SLC9B2: variants seen among roughly 807,000 people sequenced by gnomAD.
SLC9B2 encodes solute carrier family 9 member B2, also known as sodium/hydrogen exchanger 9B2.
SLC9B2 carries 39 observed loss-of-function variants against 52.2 expected under a neutral mutation model. That is an observed-to-expected ratio of 0.75 (90% CI 0.58 to 0.98). The LOEUF (loss-of-function observed/expected upper bound fraction) is 0.98, where lower values mean the gene tolerates loss of function less well. Ranked by LOEUF, SLC9B2 falls within the 50% of genes least tolerant of loss-of-function variation. The pLI is 0.00. For missense variants in SLC9B2, 626 were observed against 637.5 expected (o/e 0.98, Z 0.19); for synonymous variants, 214 against 227.0 (o/e 0.94, Z 0.51).
At chr4:103,039,638 AATGGTATAT>A (rs1222090312) in intron 9 of SLC9B2, among the ~76,000 whole-genome samples, 1 of 145,258 alleles carries the variant, frequency 6.9e-6, no homozygotes, top group Non-Finnish European at 1.5e-5. Context: ...TATATATTCA[AATGGTATAT>A]TCTTTTTTTT....
chr4:103,044,455 C>T (rs1456505536), intron 8 of SLC9B2, among the ~76,000 whole-genome samples: 1 of 152,040 alleles, frequency 6.6e-6, no homozygotes, highest in Admixed American at 6.6e-5. Context: ...GCTGTGTTGC[C>T]CAGACTGGAC....
At chr4:103,061,490 C>CACA (rs1207341955) in intron 3 of SLC9B2, among the ~76,000 whole-genome samples, 1 of 151,984 alleles carries the variant, frequency 6.6e-6, no homozygotes. Flanking sequence ...AGGGGAATAT[C>CACA]ACACACCGGG....
intron 9 of SLC9B2, among the ~76,000 whole-genome samples, chr4:103,037,964 G>A (rs1404446406): frequency 6.6e-6 from 1 of 151,568 alleles, no homozygotes; most frequent in African/African-American, 2.4e-5. Flanking sequence ...GGGTTCAAGT[G>A]AGTCTCCTGC....
At chr4:103,063,032 C>T (rs1331719756) in intron 3 of SLC9B2, among the ~76,000 whole-genome samples, 1 of 152,196 alleles carries the variant, frequency 6.6e-6, no homozygotes, top group Admixed American at 6.5e-5. Flanking sequence ...GTTTATCTAC[C>T]ATGAACCTCA....
chr4:103,047,308 G>T, intron 6 of SLC9B2, 82 bp from the exon 7 acceptor site: 6 of 1,189,586 alleles, frequency 5.0e-6, no homozygotes, highest in South Asian at 4.2e-5. Flanking sequence ...CACTTTTTAG[G>T]GGTTATACTT....
intron 5 of SLC9B2, among the ~76,000 whole-genome samples, chr4:103,049,843 C>T (rs1167144316): frequency 6.6e-6 from 1 of 152,080 alleles, no homozygotes; most frequent in East Asian, 1.9e-4. Flanking sequence ...AAAACCCCGT[C>T]TCTACTAAAA....
chr4:103,057,917 C>T lies in SLC9B2; in HGVS notation c.326G>A (p.Cys109Tyr). 9 of 1,613,882 alleles carry T rather than the reference C, an allele frequency of 5.6e-6. No homozygotes were observed. Among genetic ancestry groups the T allele is most frequent in the Non-Finnish European group, 7.6e-6 (9 of 1,179,940 alleles). ...TCCAAATAGGTTTCCTCCAGGAAGA[C>T]ATTCACTGCCAGTAATTGACCAAAC... ...AVVWSITGSECLPGGNLFGII... is the reference protein window; with the variant it reads ...AVVWSITGSEYLPGGNLFGII... The change falls in exon 4 of 12, where the codon TGT (cysteine) becomes TAT (tyrosine). Residue 109 changes from cysteine to tyrosine, a missense_variant. Physicochemically the swap from Cys to Tyr is radical, Grantham distance 194. Coordinates refer to ENST00000394785, the MANE Select transcript of SLC9B2 (RefSeq NM_178833.7).
At chr4:103,072,936 T>G (rs968883840) in intron 1 of SLC9B2, among the ~76,000 whole-genome samples, 2 of 152,138 alleles carry the variant, frequency 1.3e-5, no homozygotes, top group African/African-American at 2.4e-5. Flanking sequence ...ATGGGACTAG[T>G]GCTCTTATAA....
At chr4:103,075,997 A>C (rs970517522) in intron 1 of SLC9B2, among the ~76,000 whole-genome samples, 187 bp downstream of exon 1, 1 of 152,212 alleles carries the variant, frequency 6.6e-6, no homozygotes. Flanking sequence ...TCTGAGAACT[A>C]AAATAAAAGC....
At chr4:103,068,761 AAG>A (rs1221134572) in intron 1 of SLC9B2, among the ~76,000 whole-genome samples, 6 of 152,234 alleles carry the variant, frequency 3.9e-5, no homozygotes, top group African/African-American at 1.4e-4. Context: ...GGTAGAATCA[AAG>A]AGAAAATTAT....
intron 10 of SLC9B2, among the ~76,000 whole-genome samples, chr4:103,030,748 G>C (rs888005252): frequency 6.6e-6 from 1 of 151,894 alleles, no homozygotes; most frequent in Non-Finnish European, 1.5e-5. Context: ...TATGTGTATA[G>C]TTAGTATCAT....
At position 103,076,514 on chromosome 4, in the gene SLC9B2, T is replaced by G. The variant is rs1292404030; in HGVS notation, c.-373A>C. 1 of 152,134 alleles carries G rather than the reference T, an allele frequency of 6.6e-6. No individual in the cohort carries two copies. The allele number at this position is 152,134 out of a possible 1,614,324, so 9.4% of individuals were successfully genotyped here. A position where few individuals can be genotyped will look rare whatever the true frequency, so the allele number is the denominator to read the frequency against. ...CGTGTGCCCTCCGCCGGGTTTCAGG[T>G]CCGGCGGCGCGGGTGCAGAGCCGCG... On this transcript the variant is annotated 5_prime_UTR_variant, in exon 1 of 12. Transcript: ENST00000394785.
intron 3 of SLC9B2, among the ~76,000 whole-genome samples, chr4:103,062,482 C>A (rs1436581049): frequency 2.0e-5 from 3 of 151,846 alleles, no homozygotes; most frequent in Non-Finnish European, 4.4e-5. Flanking sequence ...TTTCCCTGTG[C>A]TTTACTTGAA....
rs765359186 is a variant in SLC9B2, at chr4:103,067,461, C to T, written c.90G>A (p.Gln30=). Reference sequence around the variant, plus strand: ...CAATTCTATCACAGCTTAGATTTACCTGTGCTTCTTGATGCATGGAGGGCG... The same window carrying T: ...CAATTCTATCACAGCTTAGATTTACTTGTGCTTCTTGATGCATGGAGGGCG... ...NYTPSMHQEA[Q]EETVMKLKGI... Residue 30 remains glutamine, a splice_region_variant and synonymous_variant, in exon 2 of 12, where the codon CAG becomes CAA. Transcript: ENST00000394785. The T allele has an allele frequency of 1.9e-6, 3 of 1,611,930 alleles. No homozygotes were observed. The highest frequency in any genetic ancestry group is 2.2e-5 in the East Asian group (1 of 44,836).
chr4:103,018,141 A>G (rs1269727010), downstream of SLC9B2, among the ~76,000 whole-genome samples: 3 of 152,238 alleles, frequency 2.0e-5, no homozygotes, highest in African/African-American at 7.2e-5. Flanking sequence ...TAACCAACAG[A>G]AGTGTTTAAA....
intron 3 of SLC9B2, among the ~76,000 whole-genome samples, chr4:103,059,575 G>A (rs79332274): frequency 0.013 from 1,962 of 152,206 alleles, 40 homozygotes; most frequent in African/African-American, 0.041. Context: ...CAGAGATTTC[G>A]TCCTTTAAAA....
At chr4:103,076,828 C>T (rs533425123), upstream of SLC9B2, 3 of 152,352 alleles carry the variant, frequency 2.0e-5, no homozygotes, top group Non-Finnish European at 4.4e-5. Flanking sequence ...CCGGGCAGCC[C>T]GTTACTTGTT....
intron 4 of SLC9B2, among the ~76,000 whole-genome samples, chr4:103,056,866 A>AT (rs1302425444): frequency 6.6e-6 from 1 of 152,244 alleles, no homozygotes; most frequent in Non-Finnish European, 1.5e-5. Flanking sequence ...AAGAAGTCAC[A>AT]TATCATGAAT....
At chr4:103,021,593 G>C (rs1741795840), downstream of SLC9B2, among the ~76,000 whole-genome samples, 1 of 152,126 alleles carries the variant, frequency 6.6e-6, no homozygotes, top group South Asian at 2.1e-4. Flanking sequence ...AAAAGCTTTT[G>C]AGGAATAAGG....
Sources: allele counts gnomAD v4.1 joint callset (sites outside exome capture counted in the v4.1 genomes callset), GRCh38; gene constraint gnomAD v4.1.1; transcripts MANE v1.5; gene names NCBI Gene and HGNC (gene_info 2026-07-23, HGNC 2026-07-21).